TRPM3: variants seen among roughly 807,000 people sequenced by gnomAD.
TRPM3 encodes the protein transient receptor potential cation channel subfamily M member 3.
In TRPM3, 77 loss-of-function variants were observed where a neutral mutation model predicts 181.2. That is an observed-to-expected ratio of 0.42 (90% CI 0.35 to 0.51). The LOEUF is 0.51. Ranked by LOEUF, TRPM3 falls within the 20% of genes least tolerant of loss-of-function variation. The pLI, the probability that TRPM3 is intolerant of heterozygous loss-of-function variation, is 0.01. For synonymous variants in TRPM3, 745 were observed against 796.4 expected (o/e 0.94, Z 1.09); for missense variants, 1,759 against 2,196.7 (o/e 0.80, Z 3.98).
intron 14 of TRPM3, among the ~76,000 whole-genome samples, chr9:70,621,475 C>T (rs535004196): frequency 2.2e-4 from 33 of 152,218 alleles, no homozygotes; most frequent in Non-Finnish European, 4.1e-4. Context: ...AGTGATTCTC[C>T]TACTTCAGTG....
intron 1 of TRPM3, among the ~76,000 whole-genome samples, chr9:71,345,688 T>C (rs565370000): frequency 2.0e-5 from 3 of 152,260 alleles, no homozygotes; most frequent in Non-Finnish European, 4.4e-5. Flanking sequence ...CATATACCTA[T>C]GTAACAAACC....
chr9:70,681,442 C>A, intron 9 of TRPM3, 64 bp downstream of exon 9: 2 of 1,335,014 alleles, frequency 1.5e-6, no homozygotes, highest in Non-Finnish European at 2.2e-6. Context: ...TATTAGGAGA[C>A]ATAAGGTCAC....
intron 1 of TRPM3, among the ~76,000 whole-genome samples, chr9:71,395,182 T>A (rs2093161221): frequency 6.6e-6 from 1 of 152,210 alleles, no homozygotes; most frequent in Non-Finnish European, 1.5e-5. Flanking sequence ...ACAGCTCAAG[T>A]CCACATCTAT....
chr9:70,637,945 G>A lies in TRPM3; in HGVS notation c.1581+1115C>T, dbSNP rs772256539. Among the ~76,000 whole-genome samples the A allele has an allele frequency of 5.3e-5, 8 of 152,008 alleles. No individual in the cohort carries two copies. The East Asian group carries it at 9.6e-4, about 18-fold the overall frequency. ...AGTATTAAGAAGTGGGGCCTTTAAC[G>A]TGTATACCTGTGTAATGAACCTGCA... On this transcript the variant is annotated intron_variant, in intron 11 of 25. Coordinates refer to ENST00000677713, the MANE Select transcript of TRPM3 (RefSeq NM_001366145.2).
chr9:71,018,685 C>G (rs1048917078), intron 1 of TRPM3, among the ~76,000 whole-genome samples: 6 of 151,676 alleles, frequency 4.0e-5, no homozygotes, highest in African/African-American at 1.5e-4. Flanking sequence ...ATAAAGAAAA[C>G]TCTAGGCCTA....
At chr9:70,897,676 T>C (rs2096298912) in intron 1 of TRPM3, among the ~76,000 whole-genome samples, 2 of 152,198 alleles carry the variant, frequency 1.3e-5, no homozygotes, top group Admixed American at 6.5e-5. Context: ...AAGAAACTGA[T>C]GGCATCTAGT....
At chr9:70,555,483 C>T (rs534992788) in intron 22 of TRPM3, among the ~76,000 whole-genome samples, 16 of 152,264 alleles carry the variant, frequency 1.1e-4, no homozygotes, top group East Asian at 5.8e-4. Context: ...CTGTACAGGA[C>T]GAATGTTGCA....
chr9:71,178,103 T>C (rs1314438244), intron 1 of TRPM3, among the ~76,000 whole-genome samples: 2 of 152,168 alleles, frequency 1.3e-5, no homozygotes, highest in East Asian at 3.9e-4. Flanking sequence ...ACACTGTAGA[T>C]AAAATATAAT....
intron 1 of TRPM3, among the ~76,000 whole-genome samples, chr9:71,066,721 T>C (rs1316285912): frequency 6.6e-6 from 1 of 152,208 alleles, no homozygotes; most frequent in Non-Finnish European, 1.5e-5. Flanking sequence ...TAAATTATTC[T>C]CTTTTTTATG....
chr9:71,036,168 C>A (rs2058179686), intron 1 of TRPM3, among the ~76,000 whole-genome samples: 1 of 152,016 alleles, frequency 6.6e-6, no homozygotes, highest in South Asian at 2.1e-4. Context: ...CAAGTATGGG[C>A]ATTAATTTAT....
intron 1 of TRPM3, among the ~76,000 whole-genome samples, chr9:71,422,295 T>G (rs2093790200): frequency 6.6e-6 from 1 of 152,058 alleles, no homozygotes; most frequent in South Asian, 2.1e-4. Context: ...AATAGTGTCT[T>G]AGACACTGAA....
chr9:70,599,521 G>A (rs150713804), intron 20 of TRPM3, among the ~76,000 whole-genome samples: 1 of 152,066 alleles, frequency 6.6e-6, no homozygotes, highest in East Asian at 1.9e-4. Context: ...CTCATTTCAC[G>A]TCCCATCATA....
chr9:70,541,211 A>G (rs912914815), intron 25 of TRPM3, among the ~76,000 whole-genome samples: 2 of 152,172 alleles, frequency 1.3e-5, no homozygotes, highest in Non-Finnish European at 2.9e-5. Context: ...CAGGGCATGG[A>G]ACCAGGGGAG....
intron 1 of TRPM3, among the ~76,000 whole-genome samples, chr9:71,374,149 G>A (rs1362335881): frequency 4.6e-5 from 7 of 152,202 alleles, no homozygotes; most frequent in African/African-American, 1.4e-4. Flanking sequence ...GCTGAGGCAG[G>A]CAGATCACCT....
rs1429607888 is a variant in TRPM3 at position 70,848,887 on chromosome 9, G to GAA, written c.463-2298_463-2297dup. ...AGCTACTCGGGAGGCTGAGGCAGGA[G>GAA]AATGGCTTGAACCCGGGAGGCGGAG... On this transcript the variant is annotated intron_variant, in intron 3 of 25. Transcript: ENST00000677713. Among the ~76,000 whole-genome samples, 3 of 48,732 alleles carry GAA rather than the reference G, an allele frequency of 6.2e-5. 1 individual carries two copies. The highest frequency in any genetic ancestry group is 1.3e-4 in the Non-Finnish European group (3 of 23,826). The allele number at this position is 48,732 out of a possible 152,430, so 32.0% of individuals were successfully genotyped here. A position where few individuals can be genotyped will look rare whatever the true frequency, so the allele number is the denominator to read the frequency against.
intron 1 of TRPM3, among the ~76,000 whole-genome samples, chr9:71,056,491 A>C (rs1282479163): frequency 6.6e-6 from 1 of 152,024 alleles, no homozygotes; most frequent in Admixed American, 6.6e-5. Flanking sequence ...GTCAATAGGC[A>C]TGTGTTGTGG....
intron 22 of TRPM3, among the ~76,000 whole-genome samples, chr9:70,555,036 T>C (rs1364662439): frequency 1.3e-5 from 2 of 152,216 alleles, no homozygotes; most frequent in East Asian, 3.9e-4. Flanking sequence ...TGCCTGGCCC[T>C]GGGCCGTGTC....
At chr9:71,390,152 T>G (rs1241196394) in intron 1 of TRPM3, among the ~76,000 whole-genome samples, 1 of 151,998 alleles carries the variant, frequency 6.6e-6, no homozygotes, top group Non-Finnish European at 1.5e-5. Flanking sequence ...TAGGTATCCA[T>G]GGACATCCAC....
intron 19 of TRPM3, among the ~76,000 whole-genome samples, chr9:70,604,883 A>G (rs1483784700): frequency 6.6e-6 from 1 of 151,390 alleles, no homozygotes. Context: ...CCTGGGCTCA[A>G]GAGATCCTCC....
Sources: allele counts gnomAD v4.1 joint callset (sites outside exome capture counted in the v4.1 genomes callset), GRCh38; gene constraint gnomAD v4.1.1; transcripts MANE v1.5; gene names NCBI Gene and HGNC (gene_info 2026-07-23, HGNC 2026-07-21).